LEF1: variants seen among roughly 807,000 people sequenced by gnomAD.
LEF1 encodes the protein lymphoid enhancer binding factor 1, also known as lymphoid enhancer-binding factor 1.
In LEF1, 14 loss-of-function variants were observed where a neutral mutation model predicts 51.2. That is an observed-to-expected ratio of 0.27 (90% CI 0.18 to 0.43). The LOEUF is 0.43. LEF1 is among the 20% of genes least tolerant of loss of function. LEF1 has a pLI of 1.00. For missense variants in LEF1, 386 were observed against 512.0 expected, an observed-to-expected ratio of 0.75 and a Z score of 2.37; for synonymous variants, 185 against 183.2, an observed-to-expected ratio of 1.01 and a Z score of -0.08.
At chr4:108,102,400 G>C (rs1740887627) in intron 3 of LEF1, among the ~76,000 whole-genome samples, 1 of 152,104 alleles carries the variant, frequency 6.6e-6, no homozygotes, top group African/African-American at 2.4e-5. Flanking sequence ...TCCACAAAGG[G>C]CTATGCCCTT....
intron 3 of LEF1, among the ~76,000 whole-genome samples, chr4:108,158,960 A>G (rs1262604303): frequency 2.0e-5 from 3 of 152,056 alleles, no homozygotes; most frequent in African/African-American, 7.2e-5. Context: ...GATTGGCTCA[A>G]TGGTCTTTTT....
At chr4:108,125,276 G>A (rs1742453459) in intron 3 of LEF1, among the ~76,000 whole-genome samples, 1 of 152,130 alleles carries the variant, frequency 6.6e-6, no homozygotes, top group African/African-American at 2.4e-5. Flanking sequence ...CAATTTTCCT[G>A]CCTCAGCATC....
chr4:108,163,660 A>G lies in LEF1; in HGVS notation c.322T>C (p.Tyr108His), dbSNP rs1367264120. The change falls in exon 3 of 12, where the codon TAC (tyrosine) becomes CAC (histidine). Residue 108 changes from tyrosine (Y) to histidine (H), a missense_variant. Tyr to His is a moderately conservative substitution (Grantham distance 83, BLOSUM62 2). This residue lies in a region of LEF1 where 335 missense variants were observed against 390.7 expected (regional missense o/e 0.86). Coordinates refer to ENST00000265165, the MANE Select transcript of LEF1 (RefSeq NM_016269.5). ...DGGLYNKGPSYSSYSGYIMMP... is the reference protein window; with the variant it reads ...DGGLYNKGPSHSSYSGYIMMP... The stretch of plus-strand genomic sequence containing the variant: ...ATTATGTACCCGGAATAACTCGAGT[A>G]GGAGGGTCCCTTGTTGTAGAGGCCT... 6 of 1,613,848 alleles carry G rather than the reference A, an allele frequency of 3.7e-6. No homozygotes were observed. Among genetic ancestry groups the G allele is most frequent in the Non-Finnish European group, 5.1e-6 (6 of 1,179,862 alleles).
intron 3 of LEF1, among the ~76,000 whole-genome samples, chr4:108,092,916 G>A (rs1578333239): frequency 1.9e-4 from 1 of 5,298 alleles, no homozygotes; most frequent in Non-Finnish European, 4.2e-4. Context: ...CAATGAATAT[G>A]TAAAAAAAAA....
intron 11 of LEF1, among the ~76,000 whole-genome samples, chr4:108,054,510 AACGAGAGGAGGCAAC>A (rs1737199407): frequency 6.6e-6 from 1 of 152,222 alleles, no homozygotes; most frequent in Non-Finnish European, 1.5e-5. Flanking sequence ...GCTGCTACAG[AACGAGAGGAGGCAAC>A]ACATGCAGAA....
intron 3 of LEF1, among the ~76,000 whole-genome samples, chr4:108,121,461 C>A (rs1015146168): frequency 1.6e-4 from 24 of 152,308 alleles, no homozygotes; most frequent in Admixed American, 1.4e-3. Flanking sequence ...ATATACTCAA[C>A]AAAAGGAGCT....
At chr4:108,099,542 ATGTGTG>A (rs67372037) in intron 3 of LEF1, among the ~76,000 whole-genome samples, 5 of 117,006 alleles carry the variant, frequency 4.3e-5, no homozygotes, top group Admixed American at 8.7e-5. Flanking sequence ...ATATGTGTAT[ATGTGTG>A]TGTGTGTATG....
At chr4:108,149,956 CAA>C (rs754575483) in intron 3 of LEF1, among the ~76,000 whole-genome samples, 16 of 120,860 alleles carry the variant, frequency 1.3e-4, no homozygotes, top group Non-Finnish European at 1.3e-4. Context: ...TACTGTTAAC[CAA>C]AAAAAAAAAA....
chr4:108,159,504 T>C (rs1744938373), intron 3 of LEF1, among the ~76,000 whole-genome samples: 2 of 152,338 alleles, frequency 1.3e-5, no homozygotes, highest in South Asian at 4.1e-4. Flanking sequence ...TTGCATGAGA[T>C]ATAAGCCTTA....
intron 3 of LEF1, among the ~76,000 whole-genome samples, chr4:108,101,630 C>T (rs188840323): frequency 6.6e-6 from 1 of 152,094 alleles, no homozygotes; most frequent in Non-Finnish European, 1.5e-5. Flanking sequence ...TTGGAGTTTG[C>T]GACCCATGAG....
intron 1 of LEF1, 81 bp from the exon 2 acceptor site, chr4:108,165,244 C>G: frequency 7.5e-7 from 1 of 1,329,484 alleles, no homozygotes; most frequent in Non-Finnish European, 1.1e-6. Flanking sequence ...TGTGTGTGCG[C>G]TGGTAATTCA....
intron 3 of LEF1, among the ~76,000 whole-genome samples, chr4:108,109,829 C>A (rs1170558024): frequency 6.6e-6 from 1 of 151,882 alleles, no homozygotes; most frequent in Non-Finnish European, 1.5e-5. Flanking sequence ...ATCAAGTGTC[C>A]CAGGCTGAGA....
At chr4:108,165,739 C>T (rs199570426) in intron 1 of LEF1, among the ~76,000 whole-genome samples, 13 of 152,276 alleles carry the variant, frequency 8.5e-5, no homozygotes, top group Non-Finnish European at 1.3e-4. Context: ...AAAAGTAGAA[C>T]GATTCTGTGG....
chr4:108,071,450 ATTTAAG>A (rs201815550), intron 8 of LEF1, among the ~76,000 whole-genome samples: 2,654 of 152,282 alleles, frequency 0.017, 44 homozygotes, highest in Middle Eastern at 0.031. Flanking sequence ...ACGGGGCATT[ATTTAAG>A]TTTGTTTTGC....
intron 3 of LEF1, among the ~76,000 whole-genome samples, chr4:108,154,493 C>CA (rs538645804): frequency 2.5e-4 from 23 of 92,706 alleles, no homozygotes; most frequent in South Asian, 1.1e-3. Context: ...CTTTTTCAAG[C>CA]AAAAAAAAAC....
At chr4:108,063,324 G>C (rs763334842) in intron 11 of LEF1, among the ~76,000 whole-genome samples, 4 of 152,014 alleles carry the variant, frequency 2.6e-5, no homozygotes, top group Non-Finnish European at 5.9e-5. Flanking sequence ...TTTTTAAGCA[G>C]GCCGATTTGC....
chr4:108,059,421 T>A (rs1737526948), intron 11 of LEF1, among the ~76,000 whole-genome samples: 1 of 152,024 alleles, frequency 6.6e-6, no homozygotes, highest in African/African-American at 2.4e-5. Context: ...AGGTCCAAGC[T>A]ATTCTCAATC....
chr4:108,049,455 A>AT (rs1736835519), intron 11 of LEF1, among the ~76,000 whole-genome samples: 1 of 152,236 alleles, frequency 6.6e-6, no homozygotes, highest in South Asian at 2.1e-4. Flanking sequence ...ATGATCTGAG[A>AT]TTTTTTAAAA....
chr4:108,124,305 A>G (rs538086073), intron 3 of LEF1, among the ~76,000 whole-genome samples: 1 of 152,292 alleles, frequency 6.6e-6, no homozygotes, highest in East Asian at 1.9e-4. Flanking sequence ...TACAGAATGC[A>G]CATTATATAT....
Sources: allele counts gnomAD v4.1 joint callset (sites outside exome capture counted in the v4.1 genomes callset), GRCh38; gene constraint gnomAD v4.1.1; regional missense constraint gnomAD v4.1.1; transcripts MANE v1.5; gene names NCBI Gene and HGNC (gene_info 2026-07-23, HGNC 2026-07-21).